MEI4: variants seen among roughly 807,000 people sequenced by gnomAD.
MEI4 encodes meiotic double-stranded break formation protein 4.
A neutral mutation model predicts 31.4 loss-of-function variants in MEI4; 27 were observed. That is an observed-to-expected ratio of 0.86 (90% CI 0.63 to 1.19). The LOEUF (loss-of-function observed/expected upper bound fraction) is 1.19, where lower values mean the gene tolerates loss of function less well. Ranked by LOEUF, MEI4 falls within the 50% of genes most tolerant of loss-of-function variation. The pLI is 0.00. For missense variants in MEI4, 329 were observed against 398.9 expected (o/e 0.82, Z 1.49); for synonymous variants, 122 against 145.4 (o/e 0.84, Z 1.16).
At chr6:77,788,528 T>G (rs921102484) in intron 3 of MEI4, among the ~76,000 whole-genome samples, 1 of 152,144 alleles carries the variant, frequency 6.6e-6, no homozygotes. Flanking sequence ...CAAAATCTCC[T>G]TAAGCTGATA....
chr6:77,856,292 T>TGGAATGCCATTCCTGAACCTACCC (rs1216287992), intron 4 of MEI4, among the ~76,000 whole-genome samples: 6 of 152,182 alleles, frequency 3.9e-5, no homozygotes, highest in African/African-American at 1.4e-4. Context: ...CTGCTCTACC[T>TGGAATGCCATTCCTGAACCTACCC]GGAATGCCAT....
intron 4 of MEI4, among the ~76,000 whole-genome samples, chr6:77,866,521 G>T (rs1365394950): frequency 2.0e-5 from 3 of 152,150 alleles, no homozygotes; most frequent in East Asian, 3.8e-4. Context: ...ACTTATAAGG[G>T]ATGTGAAGGA....
chr6:77,819,275 T>A (rs1179998378), intron 3 of MEI4, among the ~76,000 whole-genome samples: 1 of 152,172 alleles, frequency 6.6e-6, no homozygotes, highest in Admixed American at 6.5e-5. Flanking sequence ...ATTTAAATAT[T>A]TTCTGACTAG....
At chr6:77,755,012 T>G (rs184557587) in intron 2 of MEI4, among the ~76,000 whole-genome samples, 10 of 152,176 alleles carry the variant, frequency 6.6e-5, no homozygotes, top group African/African-American at 1.9e-4. Flanking sequence ...AGTTAGGGAA[T>G]GTAGAAATAA....
At position 77,875,765 on chromosome 6, in the gene MEI4, A is replaced by C. The variant is rs549741279; in HGVS notation, c.900+46703A>C. Among the ~76,000 whole-genome samples, 4 of 152,344 alleles carry C rather than the reference A, an allele frequency of 2.6e-5. No individual in the cohort carries two copies. In the East Asian group the frequency reaches 7.7e-4, roughly 29 times the overall value. ...AGAGTTTCAAAGAAATGCATATTAC[A>C]TGGTAAAATGCATATCATATAGCAT... On this transcript the variant is annotated intron_variant, in intron 4 of 4. Coordinates refer to ENST00000684080, the MANE Select transcript of MEI4 (RefSeq NM_001322247.2).
At chr6:77,807,412 T>C (rs1769467179) in intron 3 of MEI4, among the ~76,000 whole-genome samples, 1 of 152,084 alleles carries the variant, frequency 6.6e-6, no homozygotes, top group Non-Finnish European at 1.5e-5. Flanking sequence ...CTCTTCATTA[T>C]GGGAATTTTT....
chr6:77,865,584 T>A (rs1471778279), intron 4 of MEI4, among the ~76,000 whole-genome samples: 3 of 152,148 alleles, frequency 2.0e-5, no homozygotes, highest in African/African-American at 7.2e-5. Context: ...GAGGCAATAA[T>A]TAATAGCTTA....
rs531983936 is a variant in MEI4, at chr6:77,657,737, C to A, written c.-15+4645C>A. Among the ~76,000 whole-genome samples, 14 of 152,240 alleles carry A rather than the reference C, an allele frequency of 9.2e-5. No individual in the cohort carries two copies. The South Asian group carries it at 2.7e-3, about 29-fold the overall frequency. ...TTCTTTTATTCCCTAATACCATATT[C>A]TTTAGTCAAGGAGCTCATGCATTCT... On this transcript the variant is annotated intron_variant, in intron 1 of 4. Transcript: ENST00000684080.
At chr6:77,739,412 T>C (rs1343484606) in intron 2 of MEI4, among the ~76,000 whole-genome samples, 1 of 152,180 alleles carries the variant, frequency 6.6e-6, no homozygotes, top group Non-Finnish European at 1.5e-5. Context: ...AATGAGTTCA[T>C]GTCCTTTGCA....
chr6:77,731,565 C>T (rs1286041026), intron 2 of MEI4, among the ~76,000 whole-genome samples: 1 of 151,264 alleles, frequency 6.6e-6, no homozygotes, highest in African/African-American at 2.4e-5. Flanking sequence ...AAATTTTCTC[C>T]CATTTTGTAG....
chr6:77,684,292 A>G lies in MEI4; in HGVS notation c.-14-6366A>G, dbSNP rs9443437. On this transcript the variant is annotated intron_variant, in intron 1 of 4. Coordinates refer to ENST00000684080, the MANE Select transcript of MEI4 (RefSeq NM_001322247.2). The stretch of plus-strand genomic sequence containing the variant: ...TAGTAGGTGTATATATTTATGGGGT[A>G]CATGAGATACTTTGATACAGGAATG... Among the ~76,000 whole-genome samples, 1,222 of 152,300 alleles carry G rather than the reference A, an allele frequency of 8.0e-3. 14 individuals carry two copies. Among genetic ancestry groups the G allele is most frequent in the African/African-American group, 0.027 (1,106 of 41,552 alleles).
At chr6:77,845,303 C>T (rs1274554078) in intron 4 of MEI4, among the ~76,000 whole-genome samples, 1 of 152,042 alleles carries the variant, frequency 6.6e-6, no homozygotes, top group Non-Finnish European at 1.5e-5. Context: ...TTCCAACTTC[C>T]AAAGATAATC....
At chr6:77,746,011 G>A (rs1767591425) in intron 2 of MEI4, among the ~76,000 whole-genome samples, 1 of 152,036 alleles carries the variant, frequency 6.6e-6, no homozygotes, top group African/African-American at 2.4e-5. Context: ...GCCCACAAGA[G>A]AAAGCAGGAA....
chr6:77,854,430 CT>C (rs35183582), intron 4 of MEI4, among the ~76,000 whole-genome samples: 54,378 of 142,178 alleles, frequency 0.38, 10,819 homozygotes, highest in African/African-American at 0.54. Flanking sequence ...TTATAGATGC[CT>C]TTTTTTTTTT....
intron 2 of MEI4, among the ~76,000 whole-genome samples, chr6:77,704,709 A>G (rs533884626): frequency 6.6e-6 from 1 of 152,314 alleles, no homozygotes; most frequent in Non-Finnish European, 1.5e-5. Flanking sequence ...AACAAAAGTG[A>G]AACATATGTT....
intron 2 of MEI4, among the ~76,000 whole-genome samples, chr6:77,734,330 T>C (rs1767111958): frequency 6.6e-6 from 1 of 151,852 alleles, no homozygotes; most frequent in Non-Finnish European, 1.5e-5. Context: ...GATATATATT[T>C]AGGATATATA....
Position 77,926,559 on chromosome 6 carries a change from A to C in MEI4, c.*3213A>C, listed in dbSNP as rs562407976. ...GTTGTCTTTTAGCCAAGGTCAGCATATTTCAAGAGAGGCAGGGAAACAAGG... is the reference window on the plus strand; with the variant it reads ...GTTGTCTTTTAGCCAAGGTCAGCATCTTTCAAGAGAGGCAGGGAAACAAGG... On this transcript the variant is annotated 3_prime_UTR_variant, in exon 5 of 5. Coordinates refer to ENST00000684080, the MANE Select transcript of MEI4 (RefSeq NM_001322247.2). The C allele has an allele frequency of 6.6e-6, 1 of 152,004 alleles. No individual in the cohort carries two copies. Among genetic ancestry groups the C allele is most frequent in the African/African-American group, 2.4e-5 (1 of 41,496 alleles). The allele number at this position is 152,004 out of a possible 1,614,324, so 9.4% of individuals were successfully genotyped here.
At chr6:77,669,389 G>C (rs1562199118) in intron 1 of MEI4, among the ~76,000 whole-genome samples, 1 of 152,110 alleles carries the variant, frequency 6.6e-6, no homozygotes, top group Non-Finnish European at 1.5e-5. Context: ...TTAAATGAGT[G>C]CCTAAAATGT....
chr6:77,871,677 T>C (rs375813007), intron 4 of MEI4, among the ~76,000 whole-genome samples: 3 of 152,268 alleles, frequency 2.0e-5, no homozygotes. Flanking sequence ...AACCTACACA[T>C]GTACCACTGA....
Sources: allele counts gnomAD v4.1 joint callset (sites outside exome capture counted in the v4.1 genomes callset), GRCh38; gene constraint gnomAD v4.1.1; transcripts MANE v1.5; gene names NCBI Gene and HGNC (gene_info 2026-07-23, HGNC 2026-07-21).